EPS8L1: variants seen among roughly 807,000 people sequenced by gnomAD.
The protein encoded by EPS8L1 is epidermal growth factor receptor kinase substrate 8-like protein 1.
In EPS8L1, 101 loss-of-function variants were observed where a neutral mutation model predicts 91.7. That is an observed-to-expected ratio of 1.10 (90% CI 0.94 to 1.30). The LOEUF (loss-of-function observed/expected upper bound fraction) is 1.30. Ranked by LOEUF, EPS8L1 falls within the 50% of genes most tolerant of loss-of-function variation. The pLI, the probability that EPS8L1 is intolerant of heterozygous loss-of-function variation, is 0.00. For missense variants in EPS8L1, 1,114 were observed against 1,017.0 expected, an observed-to-expected ratio of 1.10 and a Z score of -1.30; for synonymous variants, 506 against 445.3, an observed-to-expected ratio of 1.14 and a Z score of -1.72.
rs745982838 is a variant in EPS8L1 at position 55,087,441 on chromosome 19, C to T, written c.2085+6C>T. ...TGCAGCGCTCGCTGCTGGAGGTGAG[C>T]CGGACCGCTGGTCCCTGGGTCTGGG... On this transcript the variant is annotated splice_donor_region_variant and intron_variant, in intron 19 of 19. Transcript: ENST00000201647. The T allele has an allele frequency of 1.2e-6, 2 of 1,614,082 alleles. No homozygotes were observed. Among genetic ancestry groups the T allele is most frequent in the African/African-American group, 1.3e-5 (1 of 75,044 alleles).
At position 55,081,606 on chromosome 19, in the gene EPS8L1, T is replaced by C. The variant is rs2076263446; in HGVS notation, c.774+114T>C. ...GGCGTTCTCTGGTCAGACTTCTGCG[T>C]TATGGAAGAGGGGCTGGGTCGGGGG... On this transcript the variant is annotated intron_variant, in intron 8 of 19. Coordinates refer to ENST00000201647, the MANE Select transcript of EPS8L1 (RefSeq NM_133180.3). This position sits in a 1 kb window ranked among gnomAD's most constrained non-coding sequence, Gnocchi z 4.9. 2 of 763,408 alleles carry C rather than the reference T, an allele frequency of 2.6e-6. No individual in the cohort carries two copies. The highest frequency in any genetic ancestry group is 3.7e-6 in the Non-Finnish European group (2 of 543,828). The allele number at this position is 763,408 out of a possible 1,614,324, so 47.3% of individuals were successfully genotyped here.
chr19:55,082,446 C>G lies in EPS8L1; in HGVS notation c.1066-8C>G, dbSNP rs2076288558. On this transcript the variant is annotated splice_region_variant and splice_polypyrimidine_tract_variant and intron_variant, in intron 11 of 19. Transcript: ENST00000201647. ...CGGCACAGCCTGCCCCTCCTGCTCC[C>G]CTGACAGATTGTGAACACGTCGGGG... 6.2e-7 allele frequency: 1 copy of G among 1,611,960 alleles called. No homozygotes were observed. Among genetic ancestry groups the G allele is most frequent in the Admixed American group, 1.7e-5 (1 of 59,974 alleles).
At chr19:55,080,084 C>A in intron 5 of EPS8L1, 45 bp from the exon 6 acceptor site, 1 of 1,466,850 alleles carries the variant, frequency 6.8e-7, no homozygotes, top group Middle Eastern at 1.8e-4. Flanking sequence ...TTTAGTAGTA[C>A]CATCATTTCG....
Position 55,083,725 on chromosome 19 carries a change from T to C in EPS8L1, c.1385+81T>C, listed in dbSNP as rs767681154. ...GCTCCCGATGCTGACTCCGCCCCCTTTTTTTCTGTGTTTTTCCTTCTGTCT... is the reference window on the plus strand; with the variant it reads ...GCTCCCGATGCTGACTCCGCCCCCTCTTTTTCTGTGTTTTTCCTTCTGTCT... On this transcript the variant is annotated intron_variant, in intron 14 of 19. Coordinates refer to ENST00000201647, the MANE Select transcript of EPS8L1 (RefSeq NM_133180.3). This position sits in a 1 kb window ranked among gnomAD's most constrained non-coding sequence, Gnocchi z 4.7. The C allele has an allele frequency of 6.5e-7, 1 of 1,540,912 alleles. No individual in the cohort carries two copies. Among genetic ancestry groups the C allele is most frequent in the South Asian group, 1.2e-5 (1 of 84,146 alleles).
intron 6 of EPS8L1, 71 bp from the exon 7 acceptor site, chr19:55,080,701 G>C: frequency 1.9e-6 from 3 of 1,578,088 alleles, no homozygotes; most frequent in Non-Finnish European, 2.6e-6. Flanking sequence ...CTGAAAAATC[G>C]GCCAGGGGCG....
intron 3 of EPS8L1, 150 bp from the exon 4 acceptor site, chr19:55,078,849 G>A (rs1218727959): frequency 1.9e-6 from 1 of 521,568 alleles, no homozygotes; most frequent in African/African-American, 3.2e-5. Flanking sequence ...GAGGGGCTGG[G>A]GGCCTGGACT....
intron 12 of EPS8L1, 134 bp downstream of exon 12, chr19:55,082,736 G>A (rs939807101): frequency 1.8e-5 from 15 of 841,874 alleles, no homozygotes; most frequent in South Asian, 8.9e-5. Context: ...TAGTTGTGTT[G>A]GGGCGGGGCT....
chr19:55,079,937 TC>T lies in EPS8L1; in HGVS notation c.279+88del. 3.4e-6 allele frequency: 5 copies of T among 1,481,416 alleles called. No homozygotes were observed. In the East Asian group the frequency reaches 9.9e-5, roughly 29 times the overall value. 91.8% of individuals were successfully genotyped at this position (1,481,416 alleles called of 1,614,324 possible). A position where few individuals can be genotyped will look rare whatever the true frequency, so the allele number is the denominator to read the frequency against. Reference sequence around the variant, plus strand: ...GTGAATCTTGGCTCCTGCACGTCCTTCCTCTGGGAACTCTGGCGAGGGACCC... The same window carrying T: ...GTGAATCTTGGCTCCTGCACGTCCTTCTCTGGGAACTCTGGCGAGGGACCC... On this transcript the variant is annotated intron_variant, in intron 5 of 19. Transcript: ENST00000201647.
In EPS8L1 at chr19:55,079,761, C is replaced by T. The variant is rs376336501; in HGVS notation, c.189C>T (p.Ala63=). The T allele has an allele frequency of 3.7e-6, 6 of 1,614,114 alleles. No homozygotes were observed. Among genetic ancestry groups the T allele is most frequent in the African/African-American group, 1.3e-5 (1 of 75,038 alleles). The stretch of plus-strand genomic sequence containing the variant: ...TGGAGGATGCCTCCAGGAAGTTGGC[C>T]GTCATGGATAGCCAGGGCCGAGTCT... ...HTVEDASRKL[A]VMDSQGRVWA... is the part of the protein sequence containing the mutation. Residue 63 remains alanine (A), a synonymous_variant, in exon 5 of 20, where the codon GCC becomes GCT. Transcript: ENST00000201647.
At chr19:55,079,203 T>C in intron 4 of EPS8L1, 146 bp downstream of exon 4, 2 of 782,612 alleles carry the variant, frequency 2.6e-6, no homozygotes, top group Non-Finnish European at 4.4e-6. Context: ...CTCCGTTGCC[T>C]CACCTCAGTC....
At position 55,086,193 on chromosome 19, in the gene EPS8L1, G is replaced by A. The variant is rs2147164327; in HGVS notation, c.1650+1G>A. 15 of 1,594,052 alleles carry A rather than the reference G, an allele frequency of 9.4e-6. No homozygotes were observed. The highest frequency in any genetic ancestry group is 1.3e-5 in the African/African-American group (1 of 74,678). ...CAGCCAAAGCCCTGCCCGCAGCCTG[G>A]TGAGCCAGCGCAGACGCTGGGATCT... On this transcript the variant is annotated splice_donor_variant, in intron 16 of 19. Transcript: ENST00000201647. LOFTEE classifies it high-confidence loss of function.
chr19:55,081,135 C>T lies in EPS8L1; in HGVS notation c.513-96C>T, dbSNP rs575669904. On this transcript the variant is annotated intron_variant, in intron 7 of 19. Coordinates refer to ENST00000201647, the MANE Select transcript of EPS8L1 (RefSeq NM_133180.3). This position sits in a 1 kb window ranked among gnomAD's most constrained non-coding sequence, Gnocchi z 4.9. ...GTTGAACTTGTTCACTCCCTTTGAG[C>T]CTTTTGAGCCTGTGTGTCTCGTTCT... 8 of 1,380,190 alleles carry T rather than the reference C, an allele frequency of 5.8e-6. No individual in the cohort carries two copies. The African/African-American group carries it at 8.8e-5, about 15-fold the overall frequency. 85.5% of individuals were successfully genotyped at this position (1,380,190 alleles called of 1,614,324 possible). A position where few individuals can be genotyped will look rare whatever the true frequency, so the allele number is the denominator to read the frequency against.
In EPS8L1 at chr19:55,080,841, G is replaced by A. The variant is rs775228671; in HGVS notation, c.499G>A (p.Ala167Thr). 3.2e-5 allele frequency: 51 copies of A among 1,610,478 alleles called. No individual in the cohort carries two copies. The highest frequency in any genetic ancestry group is 4.2e-5 in the Non-Finnish European group (50 of 1,178,300). Residue 167 changes from alanine (A) to threonine (T), a missense_variant, in exon 7 of 20, where the codon GCG becomes ACG. Ala to Thr is a moderately conservative substitution (Grantham distance 58). Coordinates refer to ENST00000201647, the MANE Select transcript of EPS8L1 (RefSeq NM_133180.3). ...CCGCTCGGGCCGCGGGGAGCGCAGG[G>A]CGGCGGCGCTCAGGTGAGAGGGAAG... ...NYRSGRGERR[A>T]AALRATQEEL...
Position 55,081,595 on chromosome 19 carries a change from A to C in EPS8L1, c.774+103A>C. 3.3e-6 allele frequency: 3 copies of C among 901,310 alleles called. No individual in the cohort carries two copies. The highest frequency in any genetic ancestry group is 4.4e-6 in the Non-Finnish European group (3 of 682,524). The allele number at this position is 901,310 out of a possible 1,614,324, so 55.8% of individuals were successfully genotyped here. On this transcript the variant is annotated intron_variant, in intron 8 of 19. Transcript: ENST00000201647. The surrounding 1 kb of genome is among the most constrained non-coding windows in gnomAD (Gnocchi z 4.9). ...GCTGCGGGACGGGCGTTCTCTGGTC[A>C]GACTTCTGCGTTATGGAAGAGGGGC...
intron 18 of EPS8L1, 77 bp from the exon 19 acceptor site, chr19:55,087,226 C>T: frequency 6.6e-7 from 1 of 1,518,664 alleles, no homozygotes; most frequent in East Asian, 2.5e-5. Flanking sequence ...GGACCATCGC[C>T]GGGTGGGCGT....
In EPS8L1 at chr19:55,087,296, C is replaced by T. The variant is rs920020019; in HGVS notation, c.1953-7C>T. 1.3e-5 allele frequency: 20 copies of T among 1,597,962 alleles called. No individual in the cohort carries two copies. The highest frequency in any genetic ancestry group is 1.7e-5 in the Non-Finnish European group (20 of 1,172,846). On this transcript the variant is annotated splice_region_variant and splice_polypyrimidine_tract_variant and intron_variant, in intron 18 of 19. Coordinates refer to ENST00000201647, the MANE Select transcript of EPS8L1 (RefSeq NM_133180.3). The stretch of plus-strand genomic sequence containing the variant: ...GGCCTGACCGCGCCCGGGCTGCCCT[C>T]GCTCAGGACCGTGGACGCGCTGGGT...
In EPS8L1 at chr19:55,082,465, G is replaced by C. The variant is rs1383534756; in HGVS notation, c.1077G>C (p.Thr359=). 1 of 1,612,462 alleles carries C rather than the reference G, an allele frequency of 6.2e-7. No homozygotes were observed. The highest frequency in any genetic ancestry group is 1.1e-5 in the South Asian group (1 of 91,012). Residue 359 remains threonine (T), a synonymous_variant, in exon 12 of 20, where the codon ACG becomes ACC. Coordinates refer to ENST00000201647, the MANE Select transcript of EPS8L1 (RefSeq NM_133180.3). ...LFGPLQMIVN[T]SGGPEFASSV... ...TGCTCCCCTGACAGATTGTGAACAC[G>C]TCGGGGGGGCCGGAGTTCGCGAGCA...
rs1362503439 is a variant in EPS8L1 at position 55,078,072 on chromosome 19, C to G, written c.18-16C>G. The G allele has an allele frequency of 6.2e-7, 1 of 1,613,712 alleles. No individual in the cohort carries two copies. The highest frequency in any genetic ancestry group is 2.2e-5 in the East Asian group (1 of 44,840). Reference sequence around the variant, plus strand: ...CCCAGTCCCACAGTCTCTCTCATTCCTCTTTTCTTCACCAGCCCAGAAGCT... The same window carrying G: ...CCCAGTCCCACAGTCTCTCTCATTCGTCTTTTCTTCACCAGCCCAGAAGCT... On this transcript the variant is annotated splice_polypyrimidine_tract_variant and intron_variant, in intron 2 of 19. Coordinates refer to ENST00000201647, the MANE Select transcript of EPS8L1 (RefSeq NM_133180.3).
rs200919752 is a variant in EPS8L1, at chr19:55,080,167, C to T, written c.318C>T (p.Arg106=). The part of the protein sequence containing the change: ...LESYPLGAIV[R]CDAVMPPGRS... Reference sequence around the variant, plus strand: ...CGTACCCACTGGGCGCCATCGTGCGCTGTGACGCGGTGATGCCACCCGGCA... The same window carrying T: ...CGTACCCACTGGGCGCCATCGTGCGTTGTGACGCGGTGATGCCACCCGGCA... The change falls in exon 6 of 20, where the codon CGC becomes CGT. Residue 106 remains arginine (R), a synonymous_variant. Transcript: ENST00000201647. 1.3e-3 allele frequency: 1,930 copies of T among 1,530,026 alleles called. 3 individuals carry two copies. The highest frequency in any genetic ancestry group is 0.01 in the African/African-American group (746 of 72,682). The allele number at this position is 1,530,026 out of a possible 1,614,324, so 94.8% of individuals were successfully genotyped here.
Sources: gnomAD v4.1 joint callset for allele counts on GRCh38, gnomAD v4.1.1 for gene constraint, Gnocchi (gnomAD v3.1) non-coding constraint, MANE v1.5 for transcripts, NCBI Gene and HGNC (gene_info 2026-07-23, HGNC 2026-07-21) for gene names.